SEC14L5: variants seen among roughly 807,000 people sequenced by gnomAD.
SEC14L5 encodes the protein SEC14-like protein 5.
A neutral mutation model predicts 84.6 loss-of-function variants in SEC14L5; 96 were observed. The ratio of observed to expected loss-of-function variants is 1.13; its 90% CI spans 0.96 to 1.34. The LOEUF is 1.34. SEC14L5 is among the 40% of genes most tolerant of loss of function. The pLI, the probability that SEC14L5 is intolerant of heterozygous loss-of-function variation, is 0.00. For synonymous variants in SEC14L5, 546 were observed against 383.4 expected (o/e 1.42, Z -4.95); for missense variants, 1,224 against 942.5 (o/e 1.30, Z -3.91).
intron 2 of SEC14L5, among the ~76,000 whole-genome samples, chr16:4,975,581 G>A (rs767867365): frequency 2.1e-4 from 32 of 152,100 alleles, no homozygotes; most frequent in Middle Eastern, 3.4e-3. Context: ...GTTGATGGGC[G>A]TTTGGGTTGG....
intron 8 of SEC14L5, among the ~76,000 whole-genome samples, chr16:5,000,374 G>C (rs945517476): frequency 6.6e-6 from 1 of 152,218 alleles, no homozygotes; most frequent in Non-Finnish European, 1.5e-5. Flanking sequence ...CTGTGTTCAA[G>C]CAATCCTCCT....
chr16:5,011,253 G>C lies in SEC14L5; in HGVS notation c.1959G>C (p.Val653=). ...PKCKLLYYCE[V]LASEDFRGSM... is the part of the protein sequence containing the mutation. ...GCAAACTTCTCTACTACTGTGAGGT[G>C]CTCGCCTCTGAGGACTTCAGGTAGG... The change falls in exon 15 of 16, where the codon GTG becomes GTC. Residue 653 remains valine, a synonymous_variant. Transcript: ENST00000251170. The C allele has an allele frequency of 3.1e-6, 5 of 1,613,756 alleles. No homozygotes were observed. The highest frequency in any genetic ancestry group is 4.2e-6 in the Non-Finnish European group (5 of 1,179,814).
In SEC14L5 at chr16:5,015,578, G is replaced by C. The variant is rs1955867369; in HGVS notation, c.*608G>C. 1 of 153,158 alleles carries C rather than the reference G, an allele frequency of 6.5e-6. No individual in the cohort carries two copies. Among genetic ancestry groups the C allele is most frequent in the Admixed American group, 6.5e-5 (1 of 15,500 alleles). The allele number at this position is 153,158 out of a possible 1,614,324, so 9.5% of individuals were successfully genotyped here. ...GTGAGGTGCAGTGATTGGCCAGCCT[G>C]GATCACATGCACATCTCTGGAACCA... On this transcript the variant is annotated 3_prime_UTR_variant, in exon 16 of 16. Coordinates refer to ENST00000251170, the MANE Select transcript of SEC14L5 (RefSeq NM_014692.2).
rs569969284 is a variant in SEC14L5, at chr16:4,959,263, C to T, written c.-51-10C>T. On this transcript the variant is annotated splice_polypyrimidine_tract_variant and intron_variant, in intron 1 of 15. Coordinates refer to ENST00000251170, the MANE Select transcript of SEC14L5 (RefSeq NM_014692.2). ...GGAGCTGCAACCTCACCAGTCACTC[C>T]TCGCCCCAGGCTCTGTGCACACCCC... is the stretch of plus-strand genomic sequence containing the variant. 177 of 1,372,698 alleles carry T rather than the reference C, an allele frequency of 1.3e-4. 1 individual carries two copies. In the South Asian group the frequency reaches 1.9e-3, roughly 15 times the overall value. The allele number at this position is 1,372,698 out of a possible 1,614,324, so 85.0% of individuals were successfully genotyped here.
At chr16:5,004,646 G>T (rs181594156) in intron 11 of SEC14L5, among the ~76,000 whole-genome samples, 5 of 152,096 alleles carry the variant, frequency 3.3e-5, no homozygotes, top group African/African-American at 1.2e-4. Context: ...AGCACAGAGC[G>T]CAGTGGGGCT....
intron 2 of SEC14L5, among the ~76,000 whole-genome samples, chr16:4,968,546 G>A (rs1325110939): frequency 6.6e-6 from 1 of 152,210 alleles, no homozygotes; most frequent in African/African-American, 2.4e-5. Flanking sequence ...ATGCTAGTCC[G>A]AAATTCCTGG....
chr16:4,995,371 G>A (rs1955598040), intron 6 of SEC14L5, among the ~76,000 whole-genome samples: 1 of 152,168 alleles, frequency 6.6e-6, no homozygotes, highest in Non-Finnish European at 1.5e-5. Flanking sequence ...CCAGTTGTGG[G>A]GGACAAGGCT....
At chr16:4,987,165 C>A (rs1191652146) in intron 2 of SEC14L5, among the ~76,000 whole-genome samples, 1 of 149,520 alleles carries the variant, frequency 6.7e-6, no homozygotes, top group South Asian at 2.1e-4. Context: ...CTTTACCAGG[C>A]GGAGGAAGTG....
intron 2 of SEC14L5, among the ~76,000 whole-genome samples, chr16:4,971,284 C>A (rs953181425): frequency 1.3e-5 from 2 of 152,028 alleles, no homozygotes; most frequent in African/African-American, 2.4e-5. Context: ...CACAGTGAGA[C>A]CTTGTCTCTA....
At chr16:5,008,928 C>T (rs1481566912) in intron 14 of SEC14L5, among the ~76,000 whole-genome samples, 1 of 152,196 alleles carries the variant, frequency 6.6e-6, no homozygotes, top group African/African-American at 2.4e-5. Context: ...TGAGTTTCCC[C>T]ATCTGGGAAA....
intron 2 of SEC14L5, among the ~76,000 whole-genome samples, chr16:4,974,585 A>G (rs554763949): frequency 7.4e-6 from 1 of 134,344 alleles, no homozygotes; most frequent in South Asian, 2.4e-4. Flanking sequence ...TTTTTATTTA[A>G]ACAGTTTTTG....
chr16:4,983,541 A>C (rs984124152), intron 2 of SEC14L5, among the ~76,000 whole-genome samples: 2 of 150,064 alleles, frequency 1.3e-5, no homozygotes, highest in Non-Finnish European at 3.0e-5. Flanking sequence ...TATTTATATT[A>C]ACATATATTC....
At chr16:5,011,414 G>C (rs1955802183) in intron 15 of SEC14L5, 141 bp downstream of exon 15, 1 of 784,346 alleles carries the variant, frequency 1.3e-6, no homozygotes, top group African/African-American at 1.7e-5. Flanking sequence ...GGAGTTCTCA[G>C]GTGACACAGC....
Position 4,991,913 on chromosome 16 carries a change from G to T in SEC14L5, c.550G>T (p.Ala184Ser). ...GTSHIPRWTP[A>S]PVREEDARNQ... ...CTCGCACATTCCGCGCTGGACGCCT[G>T]CCCCAGTCCGTGAGGAGGATGCCCG... The change falls in exon 6 of 16, where the codon GCC becomes TCC. Residue 184 changes from alanine (A) to serine (S), a missense_variant. Ala to Ser is a moderately conservative substitution (Grantham distance 99, BLOSUM62 1). Transcript: ENST00000251170. The T allele has an allele frequency of 6.2e-7, 1 of 1,607,456 alleles. No homozygotes were observed.
At chr16:5,010,596 C>T (rs1955788671) in intron 14 of SEC14L5, among the ~76,000 whole-genome samples, 1 of 152,132 alleles carries the variant, frequency 6.6e-6, no homozygotes, top group Non-Finnish European at 1.5e-5. Flanking sequence ...GGCCGTCCTG[C>T]ATGTCCCTCA....
At chr16:5,006,574 T>C (rs1404610486) in intron 12 of SEC14L5, among the ~76,000 whole-genome samples, 2 of 152,096 alleles carry the variant, frequency 1.3e-5, no homozygotes, top group Non-Finnish European at 2.9e-5. Flanking sequence ...TGATCCTAGG[T>C]CACAACTCTG....
chr16:5,002,407 G>A (rs60524253), intron 10 of SEC14L5, among the ~76,000 whole-genome samples: 2,369 of 148,930 alleles, frequency 0.016, 78 homozygotes, highest in African/African-American at 0.056. Flanking sequence ...AGTGATTCTC[G>A]TGCCTCAGCC....
At chr16:4,986,873 T>G (rs1246928665) in intron 2 of SEC14L5, among the ~76,000 whole-genome samples, 2 of 152,380 alleles carry the variant, frequency 1.3e-5, no homozygotes, top group Non-Finnish European at 2.9e-5. Context: ...TATATTGGTT[T>G]TATATCCTGC....
At chr16:4,988,037 A>T (rs1955511957) in intron 3 of SEC14L5, 112 bp from the exon 4 acceptor site, 1 of 1,176,252 alleles carries the variant, frequency 8.5e-7, no homozygotes, top group Admixed American at 2.0e-5. Flanking sequence ...GGCGCAAGGG[A>T]CCTGGGACTC....
Sources: gnomAD v4.1 joint callset for allele counts (sites outside exome capture counted in the v4.1 genomes callset) on GRCh38, gnomAD v4.1.1 for gene constraint, MANE v1.5 for transcripts, NCBI Gene and HGNC (gene_info 2026-07-23, HGNC 2026-07-21) for gene names.